SPATA13: variants seen among roughly 807,000 people sequenced by gnomAD.
SPATA13 encodes the protein spermatogenesis associated 13.
A neutral mutation model predicts 104.0 loss-of-function variants in SPATA13; 50 were observed. That is an observed-to-expected ratio of 0.48 (90% CI 0.38 to 0.61). The LOEUF (loss-of-function observed/expected upper bound fraction) is 0.61. SPATA13 is among the 20% of genes least tolerant of loss of function. The pLI is 0.00. For missense variants in SPATA13, 1,524 were observed against 1,690.6 expected (o/e 0.90, Z 1.73); for synonymous variants, 606 against 667.5 (o/e 0.91, Z 1.42).
At position 24,223,863 on chromosome 13, in the gene SPATA13, A is replaced by C; in HGVS notation, c.934A>C (p.Ile312Leu). The C allele has an allele frequency of 1.3e-6, 2 of 1,551,726 alleles. No individual in the cohort carries two copies. The highest frequency in any genetic ancestry group is 1.7e-6 in the Non-Finnish European group (2 of 1,147,002). Reference sequence around the variant, plus strand: ...AAGGACCAAACGCTGGAGGAGCCCGATAAGGGCCAAGGACTTTGACAGAGT... The same window carrying C: ...AAGGACCAAACGCTGGAGGAGCCCGCTAAGGGCCAAGGACTTTGACAGAGT... ...SGRTKRWRSP[I>L]RAKDFDRVFK... The change falls in exon 2 of 13, where the codon ATA (isoleucine) becomes CTA (leucine). Residue 312 changes from isoleucine to leucine, a missense_variant. By Grantham distance (5) the Ile-to-Leu change is conservative. This residue lies in a region of SPATA13 where 1,089 missense variants were observed against 1,135.9 expected (regional missense o/e 0.96). Transcript: ENST00000382108.
intron 3 of SPATA13, among the ~76,000 whole-genome samples, chr13:24,068,730 C>G (rs1425976436): frequency 6.6e-6 from 1 of 152,154 alleles, no homozygotes; most frequent in Admixed American, 6.5e-5. Context: ...GAGATGGTAT[C>G]TCATGGTGGT....
At chr13:24,035,783 G>A (rs1165827118) in intron 3 of SPATA13, among the ~76,000 whole-genome samples, 1 of 152,130 alleles carries the variant, frequency 6.6e-6, no homozygotes, top group African/African-American at 2.4e-5. Flanking sequence ...GGAGGCCAAG[G>A]CGGGTGGATC....
intron 2 of SPATA13, among the ~76,000 whole-genome samples, chr13:24,244,355 C>A (rs367617406): frequency 5.3e-5 from 8 of 152,154 alleles, no homozygotes; most frequent in African/African-American, 1.9e-4. Context: ...TTAGGTTAGG[C>A]CTCTGAATGG....
At chr13:24,254,888 A>G (rs1873706216) in intron 4 of SPATA13, among the ~76,000 whole-genome samples, 1 of 151,828 alleles carries the variant, frequency 6.6e-6, no homozygotes, top group South Asian at 2.1e-4. Flanking sequence ...ACTGGCATCT[A>G]GCTGCACATT....
chr13:24,084,902 T>C (rs1249236885), intron 3 of SPATA13, among the ~76,000 whole-genome samples: 3 of 152,150 alleles, frequency 2.0e-5, no homozygotes, highest in African/African-American at 7.2e-5. Context: ...AATTTGAGTA[T>C]AGATTAGAGG....
chr13:24,228,051 C>T (rs950481470), intron 2 of SPATA13, among the ~76,000 whole-genome samples: 2 of 151,800 alleles, frequency 1.3e-5, no homozygotes, highest in Non-Finnish European at 2.9e-5. Flanking sequence ...ATTACAGGCA[C>T]CTGCCAGCAT....
chr13:24,152,481 C>T (rs566590967), intron 3 of SPATA13, among the ~76,000 whole-genome samples: 7 of 152,312 alleles, frequency 4.6e-5, no homozygotes, highest in Admixed American at 6.5e-5. Context: ...CCTCCTCTTC[C>T]GCCTCTTTGA....
At chr13:24,031,197 G>T (rs1485644406) in intron 3 of SPATA13, among the ~76,000 whole-genome samples, 1 of 152,220 alleles carries the variant, frequency 6.6e-6, no homozygotes, top group African/African-American at 2.4e-5. Flanking sequence ...GGATGGCATG[G>T]ATGCCAGCAT....
intron 10 of SPATA13, among the ~76,000 whole-genome samples, chr13:24,296,331 T>G (rs9580922): frequency 6.6e-6 from 1 of 152,180 alleles, no homozygotes; most frequent in African/African-American, 2.4e-5. Flanking sequence ...AAAAATATTG[T>G]GTGTGACTGG....
chr13:24,231,453 G>A (rs1237526175), intron 2 of SPATA13, among the ~76,000 whole-genome samples: 8 of 152,266 alleles, frequency 5.3e-5, no homozygotes, highest in South Asian at 4.1e-4. Flanking sequence ...TTAAGGCTGC[G>A]TAATATTTCA....
At chr13:24,096,274 G>T (rs535497920) in intron 3 of SPATA13, among the ~76,000 whole-genome samples, 1 of 152,222 alleles carries the variant, frequency 6.6e-6, no homozygotes, top group East Asian at 1.9e-4. Context: ...GGTTAGTGCT[G>T]TAAAGAAAAA....
At chr13:24,003,827 A>G (rs1027000138) in intron 2 of SPATA13, among the ~76,000 whole-genome samples, 2 of 152,226 alleles carry the variant, frequency 1.3e-5, no homozygotes, top group African/African-American at 4.8e-5. Flanking sequence ...TTTGACTCAC[A>G]TATTTAATAC....
chr13:24,231,542 A>G (rs780042275), intron 2 of SPATA13, among the ~76,000 whole-genome samples: 1 of 152,164 alleles, frequency 6.6e-6, no homozygotes, highest in Non-Finnish European at 1.5e-5. Context: ...TTTTGCTATT[A>G]TGAGTAATGC....
chr13:24,023,888 A>G (rs1877088711), intron 3 of SPATA13, among the ~76,000 whole-genome samples: 2 of 152,304 alleles, frequency 1.3e-5, no homozygotes, highest in South Asian at 4.1e-4. Context: ...GTGATCTGCA[A>G]TGTTTCAGGC....
intron 1 of SPATA13, among the ~76,000 whole-genome samples, chr13:24,166,781 G>C (rs566851643): frequency 5.3e-5 from 8 of 152,312 alleles, no homozygotes; most frequent in African/African-American, 1.9e-4. Context: ...TACTCTCCAT[G>C]TCTGCCTCAT....
chr13:24,081,364 C>G (rs1442784286), intron 3 of SPATA13, among the ~76,000 whole-genome samples: 1 of 151,938 alleles, frequency 6.6e-6, no homozygotes, highest in African/African-American at 2.4e-5. Context: ...CTTTATACTC[C>G]CCACTGTCAT....
chr13:24,098,570 C>T (rs991007480), intron 3 of SPATA13, among the ~76,000 whole-genome samples: 2 of 144,048 alleles, frequency 1.4e-5, no homozygotes, highest in African/African-American at 5.1e-5. Flanking sequence ...GCAGTCCTGC[C>T]TAGGAGATAG....
chr13:23,989,246 AC>A (rs1169772903), intron 2 of SPATA13, among the ~76,000 whole-genome samples: 1 of 151,934 alleles, frequency 6.6e-6, no homozygotes. Context: ...ACATGGTGAA[AC>A]CCCGTCTCTA....
At position 24,301,191 on chromosome 13, in the gene SPATA13, T is replaced by C. The variant is rs139443990; in HGVS notation, c.3658+716T>C. On this transcript the variant is annotated intron_variant, in intron 12 of 12. Coordinates refer to ENST00000382108, the MANE Select transcript of SPATA13 (RefSeq NM_001166271.3). ...AAATATGCACTGTATTCTTAGAAAC[T>C]TTATTCCCGTCATCTTTCTACTTTA... Among the ~76,000 whole-genome samples, 246 of 152,252 alleles carry C rather than the reference T, an allele frequency of 1.6e-3. 3 individuals carry two copies. The highest frequency in any genetic ancestry group is 9.9e-3 in the South Asian group (48 of 4,826).
Sources: allele counts gnomAD v4.1 joint callset (sites outside exome capture counted in the v4.1 genomes callset), GRCh38; gene constraint gnomAD v4.1.1; regional missense constraint gnomAD v4.1.1; transcripts MANE v1.5; gene names NCBI Gene and HGNC (gene_info 2026-07-23, HGNC 2026-07-21).